The following GPC6 variants were observed in gnomAD, a reference collection of about 807,000 sequenced individuals.
GPC6 encodes the protein glypican-6.
Under a neutral mutation model 55.2 loss-of-function variants are expected in GPC6, and 14 were observed. The observed-to-expected ratio is 0.25, with a 90% CI of 0.17 to 0.40. The LOEUF (loss-of-function observed/expected upper bound fraction) is 0.40, where lower values mean the gene tolerates loss of function less well. Ranked by LOEUF, GPC6 falls within the 10% of genes least tolerant of loss-of-function variation. The pLI, the probability that GPC6 is intolerant of heterozygous loss-of-function variation, is 1.00. For missense variants in GPC6, 641 were observed against 708.5 expected (o/e 0.90, Z 1.08); for synonymous variants, 278 against 259.6 (o/e 1.07, Z -0.68).
In GPC6 at chr13:93,461,904, A is replaced by C. The variant is rs1282867409; in HGVS notation, c.161-83359A>C. ...CAAGGCCTGGGCACACAGTTGGTGC[A>C]GCTATTTGTAGTTGAACTTAACTGG... is the stretch of plus-strand genomic sequence containing the variant. On this transcript the variant is annotated intron_variant, in intron 1 of 8. Transcript: ENST00000377047. Among the ~76,000 whole-genome samples, 4 of 152,188 alleles carry C rather than the reference A, an allele frequency of 2.6e-5. 1 individual carries two copies. In the South Asian group the frequency reaches 8.3e-4, roughly 32 times the overall value.
At chr13:93,906,211 C>T (rs55633813) in intron 3 of GPC6, among the ~76,000 whole-genome samples, 72 of 152,152 alleles carry the variant, frequency 4.7e-4, no homozygotes, top group African/African-American at 1.7e-3. Context: ...TTGGTTTTGG[C>T]AAATCATCTT....
chr13:94,172,704 A>G (rs1398005364), intron 4 of GPC6, among the ~76,000 whole-genome samples: 1 of 152,208 alleles, frequency 6.6e-6, no homozygotes. Context: ...AGGAAAAACC[A>G]TCTTAGTTTT....
intron 1 of GPC6, among the ~76,000 whole-genome samples, chr13:93,426,478 T>C (rs867695109): frequency 2.0e-4 from 6 of 30,590 alleles, no homozygotes; most frequent in Non-Finnish European, 6.4e-4. Context: ...TGAGTGAGAA[T>C]ATGCAGTGTT....
chr13:93,891,256 T>C (rs554449416), intron 3 of GPC6, among the ~76,000 whole-genome samples: 21 of 152,262 alleles, frequency 1.4e-4, no homozygotes, highest in African/African-American at 4.8e-4. Flanking sequence ...GCTGATGTTA[T>C]TATGTTTAGT....
intron 4 of GPC6, among the ~76,000 whole-genome samples, chr13:94,072,444 C>A (rs1884768305): frequency 6.6e-6 from 1 of 152,156 alleles, no homozygotes; most frequent in African/African-American, 2.4e-5. Flanking sequence ...GCCTCTGCCT[C>A]CCGGGTTCAA....
At chr13:93,701,449 T>G (rs1882666182) in intron 2 of GPC6, among the ~76,000 whole-genome samples, 1 of 152,068 alleles carries the variant, frequency 6.6e-6, no homozygotes, top group Admixed American at 6.6e-5. Flanking sequence ...ACTGTTTTTT[T>G]TCTGATGGAG....
At position 93,693,294 on chromosome 13, in the gene GPC6, G is replaced by T. The variant is rs77866579; in HGVS notation, c.320-136860G>T. 8.0e-3 allele frequency among the ~76,000 whole-genome samples: 1,219 copies of T among 152,148 alleles called. 24 individuals carry two copies. The highest frequency in any genetic ancestry group is 0.028 in the African/African-American group (1,165 of 41,524). On this transcript the variant is annotated intron_variant, in intron 2 of 8. Transcript: ENST00000377047. ...TAATTAATACGTCTAAAACAGTAAAGGTAGTTTAAATGATAAAGTTAACTT... is the reference window on the plus strand; with the variant it reads ...TAATTAATACGTCTAAAACAGTAAATGTAGTTTAAATGATAAAGTTAACTT...
At chr13:93,880,279 G>A (rs1297613449) in intron 3 of GPC6, among the ~76,000 whole-genome samples, 6 of 151,752 alleles carry the variant, frequency 4.0e-5, no homozygotes, top group Admixed American at 1.3e-4. Flanking sequence ...TGTTTATTGC[G>A]GCATTATTCA....
At chr13:93,560,680 C>G (rs546428653) in intron 2 of GPC6, among the ~76,000 whole-genome samples, 5 of 151,458 alleles carry the variant, frequency 3.3e-5, no homozygotes, top group Admixed American at 6.6e-5. Flanking sequence ...ACTGTGAAAC[C>G]GCGTCTGTAC....
chr13:94,331,246 A>G (rs1318541250), intron 6 of GPC6, among the ~76,000 whole-genome samples: 3 of 152,162 alleles, frequency 2.0e-5, no homozygotes, highest in African/African-American at 4.8e-5. Context: ...AGCCCTGCTC[A>G]TTCATTTAGA....
intron 3 of GPC6, among the ~76,000 whole-genome samples, chr13:93,998,089 G>T (rs769158519): frequency 4.6e-5 from 7 of 152,254 alleles, no homozygotes; most frequent in South Asian, 2.1e-4. Flanking sequence ...AGAGTTTTCC[G>T]ATTTCTGTAG....
At chr13:93,410,993 T>A (rs1334922940) in intron 1 of GPC6, among the ~76,000 whole-genome samples, 1 of 152,170 alleles carries the variant, frequency 6.6e-6, no homozygotes, top group Non-Finnish European at 1.5e-5. Flanking sequence ...TTCCCTTCCA[T>A]TGAGCCTTCC....
intron 1 of GPC6, among the ~76,000 whole-genome samples, chr13:93,455,026 C>T (rs61964194): frequency 0.22 from 33,169 of 152,244 alleles, 4,077 homozygotes; most frequent in Middle Eastern, 0.31. Flanking sequence ...GCCTCTGGCC[C>T]GGGTGCTAAG....
intron 6 of GPC6, among the ~76,000 whole-genome samples, chr13:94,372,455 C>A (rs373080913): frequency 6.6e-6 from 1 of 151,666 alleles, no homozygotes; most frequent in Non-Finnish European, 1.5e-5. Context: ...GGGTGACTGA[C>A]GGCACCTGGA....
rs189709255 is a variant in GPC6 at position 93,648,807 on chromosome 13, A to C, written c.319+103386A>C. ...AGTCATAGAGTCAGAAGGTACCTAA[A>C]ATTAATGTAGTGACATCACCCATGT... On this transcript the variant is annotated intron_variant, in intron 2 of 8. Coordinates refer to ENST00000377047, the MANE Select transcript of GPC6 (RefSeq NM_005708.5). 2.0e-5 allele frequency among the ~76,000 whole-genome samples: 3 copies of C among 152,266 alleles called. No homozygotes were observed. The East Asian group carries it at 5.8e-4, about 29-fold the overall frequency.
chr13:94,219,704 G>A (rs1323452017), intron 4 of GPC6, among the ~76,000 whole-genome samples: 1 of 152,134 alleles, frequency 6.6e-6, no homozygotes, highest in Non-Finnish European at 1.5e-5. Context: ...GGAGACAGGA[G>A]CAGACACAAA....
rs559966809 is a variant in GPC6 at position 93,526,846 on chromosome 13, T to C, written c.161-18417T>C. 3.9e-5 allele frequency among the ~76,000 whole-genome samples: 6 copies of C among 152,210 alleles called. No individual in the cohort carries two copies. The East Asian group carries it at 1.2e-3, about 29-fold the overall frequency. On this transcript the variant is annotated intron_variant, in intron 1 of 8. Coordinates refer to ENST00000377047, the MANE Select transcript of GPC6 (RefSeq NM_005708.5). ...CAGATTGTTATTTTGCATATTTTGA[T>C]TTAAATGCTAGGTAAAAGCAGGGAT...
Position 93,524,920 on chromosome 13 carries a change from G to C in GPC6, c.161-20343G>C, listed in dbSNP as rs143489390. 2.8e-3 allele frequency among the ~76,000 whole-genome samples: 429 copies of C among 152,152 alleles called. 3 individuals carry two copies. The highest frequency in any genetic ancestry group is 9.4e-3 in the African/African-American group (392 of 41,526). On this transcript the variant is annotated intron_variant, in intron 1 of 8. Transcript: ENST00000377047. Reference sequence around the variant, plus strand: ...TAATTCTGCAGAGGGCGATAATTCTGCGGGAGATCTTCTTCAGAAGGAATC... The same window carrying C: ...TAATTCTGCAGAGGGCGATAATTCTCCGGGAGATCTTCTTCAGAAGGAATC...
At position 94,186,311 on chromosome 13, in the gene GPC6, T is replaced by G. The variant is rs200664785; in HGVS notation, c.878-100038T>G. 9.8e-5 allele frequency among the ~76,000 whole-genome samples: 15 copies of G among 152,310 alleles called. No individual in the cohort carries two copies. The East Asian group carries it at 2.7e-3, about 27-fold the overall frequency. Reference sequence around the variant, plus strand: ...AACACAAAGCAGTAACTATAATTTCTGCCTTTAGCTTTTGAAAAACTAAAA... The same window carrying G: ...AACACAAAGCAGTAACTATAATTTCGGCCTTTAGCTTTTGAAAAACTAAAA... On this transcript the variant is annotated intron_variant, in intron 4 of 8. Transcript: ENST00000377047.
Sources: gnomAD v4.1 joint callset for allele counts (sites outside exome capture counted in the v4.1 genomes callset) on GRCh38, gnomAD v4.1.1 for gene constraint, MANE v1.5 for transcripts, NCBI Gene and HGNC (gene_info 2026-07-23, HGNC 2026-07-21) for gene names.